The following TAF3 variants were observed in gnomAD, a reference collection of about 807,000 sequenced individuals.
TAF3 encodes TATA-box binding protein associated factor 3, also known as transcription initiation factor TFIID subunit 3.
TAF3 carries 7 observed loss-of-function variants against 80.6 expected under a neutral mutation model. The ratio of observed to expected loss-of-function variants is 0.09; its 90% CI spans 0.05 to 0.16. The LOEUF is 0.16. Ranked by LOEUF, TAF3 falls within the 10% of genes least tolerant of loss-of-function variation. The pLI is 1.00. For missense variants in TAF3, 921 were observed against 1,140.2 expected, an observed-to-expected ratio of 0.81 and a Z score of 2.77; for synonymous variants, 444 against 446.1, an observed-to-expected ratio of 1.00 and a Z score of 0.06.
intron 3 of TAF3, among the ~76,000 whole-genome samples, chr10:7,976,835 T>G (rs375452828): frequency 6.6e-6 from 1 of 152,230 alleles, no homozygotes; most frequent in East Asian, 1.9e-4. Flanking sequence ...GTTTAATGTT[T>G]GTCAAGTTCC....
intron 2 of TAF3, among the ~76,000 whole-genome samples, chr10:7,944,094 TGTGTG>T (rs1838001533): frequency 6.3e-5 from 1 of 15,902 alleles, no homozygotes; most frequent in Non-Finnish European, 1.7e-4. Context: ...TGTTCATGCT[TGTGTG>T]TGTGTGTGTG....
chr10:7,821,650 C>T (rs1260477467), intron 1 of TAF3, among the ~76,000 whole-genome samples: 6 of 152,126 alleles, frequency 3.9e-5, no homozygotes, highest in Non-Finnish European at 5.9e-5. Flanking sequence ...ATGTCTCTGT[C>T]GGTGTCACAT....
intron 2 of TAF3, among the ~76,000 whole-genome samples, chr10:7,826,089 A>G (rs985669539): frequency 2.0e-5 from 3 of 152,308 alleles, no homozygotes; most frequent in Non-Finnish European, 4.4e-5. Flanking sequence ...GTTGTTGTAC[A>G]GTCTGTGTGT....
chr10:7,870,113 T>C (rs1312522535), intron 2 of TAF3, among the ~76,000 whole-genome samples: 3 of 152,204 alleles, frequency 2.0e-5, no homozygotes, highest in Non-Finnish European at 2.9e-5. Context: ...AAACAAAACT[T>C]GCTTTAAGGA....
At chr10:7,860,327 A>G (rs1365032460) in intron 2 of TAF3, among the ~76,000 whole-genome samples, 1 of 152,122 alleles carries the variant, frequency 6.6e-6, no homozygotes, top group Admixed American at 6.5e-5. Flanking sequence ...TGAATTATTA[A>G]GCGTTTGAAA....
In TAF3 at chr10:7,833,336, C is replaced by G. The variant is rs1013690915; in HGVS notation, c.409+8776C>G. 4.6e-5 allele frequency among the ~76,000 whole-genome samples: 7 copies of G among 152,268 alleles called. No homozygotes were observed. In the East Asian group the frequency reaches 1.2e-3, roughly 25 times the overall value. ...CCCACCAACAGTGTACAAGGATTCC[C>G]CCTTTTCTCCACATCCCTGCTAACA... On this transcript the variant is annotated intron_variant, in intron 2 of 6. Transcript: ENST00000344293.
At chr10:7,962,907 ATGTGT>A (rs1831524291) in intron 2 of TAF3, among the ~76,000 whole-genome samples, 1 of 152,180 alleles carries the variant, frequency 6.6e-6, no homozygotes, top group Non-Finnish European at 1.5e-5. Flanking sequence ...CTTAGTTAAA[ATGTGT>A]TGGGAGAAAT....
At chr10:8,000,750 G>C (rs1831936185) in intron 4 of TAF3, among the ~76,000 whole-genome samples, 1 of 152,186 alleles carries the variant, frequency 6.6e-6, no homozygotes. Context: ...GCACACTTTA[G>C]CCTGGGCAGC....
intron 3 of TAF3, among the ~76,000 whole-genome samples, chr10:7,966,961 TTTTA>T (rs1284849100): frequency 2.0e-5 from 3 of 152,346 alleles, no homozygotes; most frequent in South Asian, 2.1e-4. Flanking sequence ...TAAAAAATCA[TTTTA>T]TTTATTATTA....
intron 2 of TAF3, among the ~76,000 whole-genome samples, chr10:7,852,049 A>C (rs760277003): frequency 1.3e-5 from 2 of 151,630 alleles, no homozygotes; most frequent in Admixed American, 6.6e-5. Context: ...ATCTCAAAGC[A>C]CTGGGATTAT....
intron 4 of TAF3, among the ~76,000 whole-genome samples, chr10:7,985,933 G>C: frequency 6.6e-6 from 1 of 151,608 alleles, no homozygotes; most frequent in Admixed American, 6.6e-5. Context: ...ATGGGCACCC[G>C]CCCCCACACC....
intron 2 of TAF3, among the ~76,000 whole-genome samples, chr10:7,927,649 G>C (rs148892779): frequency 6.6e-6 from 1 of 152,230 alleles, no homozygotes; most frequent in African/African-American, 2.4e-5. Flanking sequence ...AATCTTTTCA[G>C]ACCCTACTTC....
intron 2 of TAF3, among the ~76,000 whole-genome samples, chr10:7,922,270 C>G (rs1837769579): frequency 6.6e-6 from 1 of 151,992 alleles, no homozygotes; most frequent in South Asian, 2.1e-4. Context: ...AGGTTTTAGA[C>G]TAGGTTTTAT....
intron 2 of TAF3, among the ~76,000 whole-genome samples, chr10:7,876,708 T>C (rs1837315746): frequency 6.6e-6 from 1 of 152,210 alleles, no homozygotes; most frequent in Non-Finnish European, 1.5e-5. Context: ...GAAAGTTCTT[T>C]GACTTAATTA....
chr10:7,833,313 C>T (rs1836820257), intron 2 of TAF3, among the ~76,000 whole-genome samples: 1 of 152,140 alleles, frequency 6.6e-6, no homozygotes, highest in Non-Finnish European at 1.5e-5. Flanking sequence ...TCTAAATTCC[C>T]ACCAACAGTG....
intron 2 of TAF3, among the ~76,000 whole-genome samples, chr10:7,953,390 T>A (rs1458973887): frequency 6.6e-6 from 1 of 152,172 alleles, no homozygotes; most frequent in African/African-American, 2.4e-5. Context: ...CTTTAGATCA[T>A]CCCACACATG....
At chr10:7,832,777 T>G (rs1352734893) in intron 2 of TAF3, among the ~76,000 whole-genome samples, 1 of 152,192 alleles carries the variant, frequency 6.6e-6, no homozygotes, top group African/African-American at 2.4e-5. Flanking sequence ...CTGAAACCCC[T>G]GGCCTCAAGT....
chr10:7,907,066 G>GC (rs1305283785), intron 2 of TAF3, among the ~76,000 whole-genome samples: 1 of 152,078 alleles, frequency 6.6e-6, no homozygotes, highest in Non-Finnish European at 1.5e-5. Flanking sequence ...GGGCCACCTG[G>GC]CTTAGCTTTC....
At chr10:7,904,721 T>C (rs771238523) in intron 2 of TAF3, among the ~76,000 whole-genome samples, 3 of 152,116 alleles carry the variant, frequency 2.0e-5, no homozygotes, top group Non-Finnish European at 2.9e-5. Context: ...GTGCACAGCG[T>C]TGGCTTTCAT....
Sources: allele counts gnomAD v4.1 joint callset (sites outside exome capture counted in the v4.1 genomes callset), GRCh38; gene constraint gnomAD v4.1.1; transcripts MANE v1.5; gene names NCBI Gene and HGNC (gene_info 2026-07-23, HGNC 2026-07-21).